Variants in EYA4 observed in about 807,000 individuals in gnomAD.
EYA4 encodes the protein protein phosphatase EYA4.
Under a neutral mutation model 87.9 loss-of-function variants are expected in EYA4, and 31 were observed. That is an observed-to-expected ratio of 0.35 (90% CI 0.27 to 0.48). The LOEUF (loss-of-function observed/expected upper bound fraction) is 0.48. Among genes scored for constraint, EYA4 ranks in the 20% least tolerant of loss-of-function variants. The probability of loss-of-function intolerance (pLI) is 0.99; values close to 1 mark genes in which losing one functional copy is unlikely to be tolerated. For synonymous variants in EYA4, 263 were observed against 270.6 expected (o/e 0.97, Z 0.28); for missense variants, 678 against 761.4 (o/e 0.89, Z 1.29).
At chr6:133,389,733 T>G (rs933445744) in intron 3 of EYA4, among the ~76,000 whole-genome samples, 1 of 152,228 alleles carries the variant, frequency 6.6e-6, no homozygotes, top group African/African-American at 2.4e-5. Context: ...TCAGAACTTT[T>G]AAGCAATCTT....
intron 4 of EYA4, 142 bp from the exon 5 acceptor site, chr6:133,447,969 C>T: frequency 2.9e-6 from 2 of 696,380 alleles, no homozygotes; most frequent in Non-Finnish European, 5.2e-6. Context: ...TAAAACAGAC[C>T]TGATAAACTA....
chr6:133,266,388 A>G (rs1249493229), intron 1 of EYA4, among the ~76,000 whole-genome samples: 1 of 152,124 alleles, frequency 6.6e-6, no homozygotes, highest in Non-Finnish European at 1.5e-5. Flanking sequence ...ATGCTTCCCT[A>G]GGATCTCCAG....
chr6:133,507,234 C>G (rs1358469355), intron 14 of EYA4: 1 of 152,130 alleles, frequency 6.6e-6, no homozygotes, highest in Non-Finnish European at 1.5e-5. Context: ...CAAATCACAT[C>G]TAAAGTTACC....
At chr6:133,524,553 G>A (rs1401353658) in intron 18 of EYA4, among the ~76,000 whole-genome samples, 2 of 152,178 alleles carry the variant, frequency 1.3e-5, no homozygotes, top group Non-Finnish European at 2.9e-5. Context: ...AGTTATTTGA[G>A]CAGGCTAACT....
chr6:133,444,393 G>T (rs1792596907), intron 3 of EYA4, among the ~76,000 whole-genome samples: 1 of 151,796 alleles, frequency 6.6e-6, no homozygotes. Flanking sequence ...TCCATTCTTT[G>T]ACCCTCCACC....
intron 3 of EYA4, among the ~76,000 whole-genome samples, chr6:133,423,728 G>A (rs924609857): frequency 6.6e-5 from 10 of 152,146 alleles, no homozygotes; most frequent in African/African-American, 9.7e-5. Flanking sequence ...CAATGAAGCC[G>A]TTACCACAGT....
intron 2 of EYA4, among the ~76,000 whole-genome samples, chr6:133,333,053 C>G (rs2128388542): frequency 6.6e-6 from 1 of 152,222 alleles, no homozygotes; most frequent in South Asian, 2.1e-4. Flanking sequence ...TTGATTCTTT[C>G]AATATTGTGC....
rs574875641 is a variant in EYA4 at position 133,428,724 on chromosome 6, C to A, written c.84-17906C>A. Among the ~76,000 whole-genome samples, 6 of 152,064 alleles carry A rather than the reference C, an allele frequency of 3.9e-5. 1 individual carries two copies. The Middle Eastern group carries it at 0.01, about 259-fold the overall frequency. The stretch of plus-strand genomic sequence containing the variant: ...TACATGCTCCCTCCTTTATATTCAG[C>A]GGAAGAGGCAGTTTGAATAGGAACC... On this transcript the variant is annotated intron_variant, in intron 3 of 19. Transcript: ENST00000355286.
chr6:133,296,354 A>C (rs1260175499), intron 2 of EYA4, among the ~76,000 whole-genome samples: 1 of 152,160 alleles, frequency 6.6e-6, no homozygotes, highest in Non-Finnish European at 1.5e-5. Flanking sequence ...CTTTGGGCAA[A>C]TGTCTGACAT....
Position 133,483,024 on chromosome 6 carries a change from G to GTCTT in EYA4, c.1108-7_1108-4dup. The GTCTT allele has an allele frequency of 1.2e-6, 2 of 1,609,838 alleles. No individual in the cohort carries two copies. The highest frequency in any genetic ancestry group is 2.2e-5 in the South Asian group (2 of 90,870). On this transcript the variant is annotated splice_region_variant and splice_polypyrimidine_tract_variant and intron_variant, in intron 12 of 19. Coordinates refer to ENST00000355286, the MANE Select transcript of EYA4 (RefSeq NM_004100.5). ...TTTAATTTTCTGATATTTATTTTTT[G>GTCTT]TCTTCAGCGTGTGTTTGTCTGGGAT...
intron 19 of EYA4, among the ~76,000 whole-genome samples, chr6:133,527,142 G>A (rs977063985): frequency 1.3e-5 from 2 of 152,186 alleles, no homozygotes; most frequent in African/African-American, 4.8e-5. Flanking sequence ...TGGTGATGGT[G>A]AAGGCTTATT....
At chr6:133,398,126 G>A (rs1189990974) in intron 3 of EYA4, among the ~76,000 whole-genome samples, 1 of 152,196 alleles carries the variant, frequency 6.6e-6, no homozygotes, top group Non-Finnish European at 1.5e-5. Context: ...AAAAGGGGGG[G>A]AGGACAGTGC....
intron 5 of EYA4, 73 bp downstream of exon 5, chr6:133,448,252 A>T (rs573619370): frequency 9.1e-7 from 1 of 1,096,264 alleles, no homozygotes; most frequent in Non-Finnish European, 1.4e-6. Flanking sequence ...GTCTGTTGCT[A>T]TGTCTATGTT....
intron 2 of EYA4, among the ~76,000 whole-genome samples, chr6:133,333,306 T>A (rs1782123369): frequency 6.6e-6 from 1 of 152,166 alleles, no homozygotes; most frequent in East Asian, 1.9e-4. Flanking sequence ...ATTTAATCTG[T>A]CAGACACTTG....
intron 14 of EYA4, among the ~76,000 whole-genome samples, chr6:133,512,264 T>C (rs532249949): frequency 3.2e-4 from 49 of 152,238 alleles, no homozygotes; most frequent in Middle Eastern, 3.4e-3. Flanking sequence ...CAGGACACCA[T>C]AATCTGAAGG....
intron 11 of EYA4, among the ~76,000 whole-genome samples, chr6:133,469,183 G>C (rs1324993443): frequency 6.6e-6 from 1 of 152,054 alleles, no homozygotes; most frequent in African/African-American, 2.4e-5. Flanking sequence ...TGTGTGATCA[G>C]TGTGTATTTA....
rs149321594 is a variant in EYA4 at position 133,347,069 on chromosome 6, A to G, written c.34-35323A>G. ...TCAACGGTCAAAAAAGAACATGGCA[A>G]TTCTGTCATGGGGAGGGCTTTGGAG... On this transcript the variant is annotated intron_variant, in intron 2 of 19. Coordinates refer to ENST00000355286, the MANE Select transcript of EYA4 (RefSeq NM_004100.5). 8.7e-4 allele frequency among the ~76,000 whole-genome samples: 132 copies of G among 152,320 alleles called. 1 individual carries two copies. Among genetic ancestry groups the G allele is most frequent in the African/African-American group, 2.9e-3 (121 of 41,576 alleles).
chr6:133,390,583 G>T (rs7760570), intron 3 of EYA4, among the ~76,000 whole-genome samples: 16 of 151,940 alleles, frequency 1.1e-4, no homozygotes, highest in African/African-American at 3.9e-4. Flanking sequence ...TCTACCTATC[G>T]TTCCAAACTG....
chr6:133,433,796 G>A (rs1340443771), intron 3 of EYA4, among the ~76,000 whole-genome samples: 1 of 152,210 alleles, frequency 6.6e-6, no homozygotes, highest in Non-Finnish European at 1.5e-5. Context: ...CCAACAAGAT[G>A]GCATTTAGGA....
Sources: allele counts gnomAD v4.1 joint callset (sites outside exome capture counted in the v4.1 genomes callset), GRCh38; gene constraint gnomAD v4.1.1; transcripts MANE v1.5; gene names NCBI Gene and HGNC (gene_info 2026-07-23, HGNC 2026-07-21).